LRP1B: variants seen among roughly 807,000 people sequenced by gnomAD.
The protein encoded by LRP1B is low-density lipoprotein receptor-related protein 1B.
A neutral mutation model predicts 556.6 loss-of-function variants in LRP1B; 217 were observed. The ratio of observed to expected loss-of-function variants is 0.39; its 90% confidence interval spans 0.35 to 0.44. LRP1B has a LOEUF of 0.44. Among genes scored for constraint, LRP1B ranks in the 20% least tolerant of loss-of-function variants. The probability of loss-of-function intolerance (pLI) is 1.00; values close to 1 mark genes in which losing one functional copy is unlikely to be tolerated. For synonymous variants in LRP1B, 2,047 were observed against 1,865.8 expected, an observed-to-expected ratio of 1.10 and a Z score of -2.50; for missense variants, 5,053 against 5,620.8, an observed-to-expected ratio of 0.90 and a Z score of 3.23.
intron 15 of LRP1B, 68 bp downstream of exon 15, chr2:141,005,267 G>C (rs963920519): frequency 3.3e-6 from 5 of 1,528,490 alleles, no homozygotes; most frequent in Non-Finnish European, 4.4e-6. Context: ...AATTCCTTTA[G>C]TTTCTTCTGC....
intron 32 of LRP1B, among the ~76,000 whole-genome samples, chr2:140,807,408 T>C: frequency 6.6e-6 from 1 of 152,104 alleles, no homozygotes; most frequent in East Asian, 1.9e-4. Flanking sequence ...TGGCACAATC[T>C]TGGCTCACTG....
At chr2:141,001,239 A>G (rs1397990925) in intron 15 of LRP1B, among the ~76,000 whole-genome samples, 1 of 152,114 alleles carries the variant, frequency 6.6e-6, no homozygotes, top group African/African-American at 2.4e-5. Flanking sequence ...TGCAAGGCCA[A>G]TAAAACTAGA....
intron 2 of LRP1B, among the ~76,000 whole-genome samples, chr2:141,592,422 G>A (rs1295962964): frequency 6.6e-6 from 1 of 151,992 alleles, no homozygotes; most frequent in Non-Finnish European, 1.5e-5. Context: ...GTTAGCTCTG[G>A]GTTCTCTTTT....
intron 62 of LRP1B, among the ~76,000 whole-genome samples, chr2:140,454,492 C>T (rs1263028131): frequency 6.6e-6 from 1 of 152,006 alleles, no homozygotes; most frequent in African/African-American, 2.4e-5. Context: ...GAAGTGATAC[C>T]TCCTCCTTTT....
chr2:140,521,009 A>T (rs1372336307), intron 49 of LRP1B, among the ~76,000 whole-genome samples: 2 of 151,902 alleles, frequency 1.3e-5, no homozygotes, highest in Non-Finnish European at 2.9e-5. Flanking sequence ...AATAAAAAAG[A>T]ATTTTAGAAA....
At chr2:142,110,215 A>G (rs370790439) in intron 1 of LRP1B, among the ~76,000 whole-genome samples, 2 of 152,152 alleles carry the variant, frequency 1.3e-5, no homozygotes, top group East Asian at 1.9e-4. Context: ...GTACTTATGG[A>G]GCATAAAAAG....
At chr2:141,990,975 T>C (rs539787896) in intron 1 of LRP1B, among the ~76,000 whole-genome samples, 2 of 152,062 alleles carry the variant, frequency 1.3e-5, no homozygotes, top group Non-Finnish European at 2.9e-5. Flanking sequence ...TCAGTGGTTC[T>C]TCGGGTAACT....
At chr2:141,008,696 G>T (rs1697651363) in intron 14 of LRP1B, among the ~76,000 whole-genome samples, 1 of 151,726 alleles carries the variant, frequency 6.6e-6, no homozygotes, top group African/African-American at 2.4e-5. Flanking sequence ...GTATCTTCCA[G>T]AAGCAAAATT....
chr2:141,106,235 A>G (rs1336171516), intron 7 of LRP1B, among the ~76,000 whole-genome samples: 1 of 152,158 alleles, frequency 6.6e-6, no homozygotes, highest in African/African-American at 2.4e-5. Context: ...TCGACACTTC[A>G]TTTTGTATTC....
intron 41 of LRP1B, among the ~76,000 whole-genome samples, chr2:140,675,698 G>C (rs1233453021): frequency 6.6e-6 from 1 of 152,098 alleles, no homozygotes; most frequent in Non-Finnish European, 1.5e-5. Context: ...AATTGCTTTA[G>C]CCCAGGAGTT....
chr2:140,711,789 T>G (rs1352763954), intron 37 of LRP1B, among the ~76,000 whole-genome samples: 1 of 152,154 alleles, frequency 6.6e-6, no homozygotes, highest in African/African-American at 2.4e-5. Flanking sequence ...TTCTTCAATT[T>G]CATCAATTTA....
chr2:141,835,476 A>G (rs1697246934), intron 1 of LRP1B, among the ~76,000 whole-genome samples: 1 of 150,066 alleles, frequency 6.7e-6, no homozygotes, highest in African/African-American at 2.5e-5. Flanking sequence ...CATATTAATG[A>G]CTGTCAGAAG....
intron 55 of LRP1B, among the ~76,000 whole-genome samples, chr2:140,498,064 T>C (rs1038401131): frequency 7.2e-5 from 11 of 151,938 alleles, no homozygotes; most frequent in African/African-American, 2.6e-4. Context: ...TTTCATAAAT[T>C]CAATGGAAGA....
At chr2:141,996,498 T>C (rs891001425) in intron 1 of LRP1B, among the ~76,000 whole-genome samples, 4 of 152,086 alleles carry the variant, frequency 2.6e-5, no homozygotes, top group African/African-American at 4.8e-5. Flanking sequence ...GGAAAACCAA[T>C]AGGGACATAA....
intron 6 of LRP1B, among the ~76,000 whole-genome samples, chr2:141,208,557 A>C (rs758265255): frequency 7.2e-5 from 11 of 152,150 alleles, no homozygotes; most frequent in Non-Finnish European, 1.5e-4. Context: ...CCACAGATGC[A>C]GTAAATATAT....
intron 3 of LRP1B, among the ~76,000 whole-genome samples, chr2:141,323,342 C>T (rs548389108): frequency 1.4e-4 from 22 of 152,146 alleles, no homozygotes; most frequent in South Asian, 6.2e-4. Context: ...TTCACAAACT[C>T]CGAAAGTCAG....
chr2:141,233,777 T>A (rs188687070), intron 5 of LRP1B, among the ~76,000 whole-genome samples: 4 of 152,258 alleles, frequency 2.6e-5, no homozygotes, highest in East Asian at 3.9e-4. Flanking sequence ...ATAAGAATAT[T>A]AATTTGGCTA....
intron 73 of LRP1B, among the ~76,000 whole-genome samples, 190 bp from the exon 74 acceptor site, chr2:140,358,306 A>G (rs1162521185): frequency 6.6e-6 from 1 of 151,710 alleles, no homozygotes; most frequent in African/African-American, 2.4e-5. Context: ...CTGTGTGTTT[A>G]CTTTAAGTAA....
chr2:141,365,265 T>C (rs2105576295), intron 3 of LRP1B, among the ~76,000 whole-genome samples: 1 of 152,252 alleles, frequency 6.6e-6, no homozygotes, highest in East Asian at 1.9e-4. Context: ...GGTATCTATG[T>C]GTTTCCCAGG....
Sources: allele counts gnomAD v4.1 joint callset (sites outside exome capture counted in the v4.1 genomes callset), GRCh38; gene constraint gnomAD v4.1.1; transcripts MANE v1.5; gene names NCBI Gene and HGNC (gene_info 2026-07-23, HGNC 2026-07-21).